KALRN: variants seen among roughly 807,000 people sequenced by gnomAD.
KALRN encodes the protein kalirin.
KALRN carries 70 observed loss-of-function variants against 353.7 expected under a neutral mutation model. That is an observed-to-expected ratio of 0.20 (90% CI 0.16 to 0.24). The LOEUF (loss-of-function observed/expected upper bound fraction) is 0.24, where lower values mean the gene tolerates loss of function less well. Among genes scored for constraint, KALRN ranks in the 10% least tolerant of loss-of-function variants. The pLI, the probability that KALRN is intolerant of heterozygous loss-of-function variation, is 1.00. For synonymous variants in KALRN, 1,391 were observed against 1,434.8 expected (o/e 0.97, Z 0.69); for missense variants, 2,791 against 3,756.7 (o/e 0.74, Z 6.72).
chr3:124,163,827 A>G, intron 1 of KALRN: 3 of 985,448 alleles, frequency 3.0e-6, no homozygotes, highest in Non-Finnish European at 3.6e-6. Flanking sequence ...CACCTGACTG[A>G]TGTTTAATGC....
At chr3:124,605,024 A>T (rs1398159489) in intron 34 of KALRN, among the ~76,000 whole-genome samples, 1 of 152,080 alleles carries the variant, frequency 6.6e-6, no homozygotes, top group Non-Finnish European at 1.5e-5. Flanking sequence ...TTAGCCAGGC[A>T]TGCTGGTGTG....
chr3:124,339,781 A>G (rs1433576499), intron 9 of KALRN, among the ~76,000 whole-genome samples: 2 of 152,260 alleles, frequency 1.3e-5, no homozygotes, highest in Non-Finnish European at 2.9e-5. Flanking sequence ...GCTGAGAGGT[A>G]GGAATTAAGA....
At chr3:124,681,657 G>C (rs1490050907) in intron 51 of KALRN, among the ~76,000 whole-genome samples, 7 of 120,948 alleles carry the variant, frequency 5.8e-5, no homozygotes, top group Non-Finnish European at 1.2e-4. Flanking sequence ...TTTTTGACGT[G>C]GAGTCTCTGT....
At chr3:124,287,694 A>G (rs921385449) in intron 5 of KALRN, among the ~76,000 whole-genome samples, 3 of 149,420 alleles carry the variant, frequency 2.0e-5, no homozygotes, top group Non-Finnish European at 4.4e-5. Context: ...TGAACATTTT[A>G]AATAAAAATG....
At chr3:124,518,346 C>A in intron 33 of KALRN, 1 of 1,476,298 alleles carries the variant, frequency 6.8e-7, no homozygotes, top group Non-Finnish European at 9.5e-7. Flanking sequence ...GGATCTCATG[C>A]AGATTTTTGC....
chr3:124,176,631 G>A (rs1323416754), intron 1 of KALRN, among the ~76,000 whole-genome samples: 1 of 152,166 alleles, frequency 6.6e-6, no homozygotes, highest in Admixed American at 6.5e-5. Context: ...TCCAACTCAA[G>A]CTTAACCATC....
rs772626783 is a variant in KALRN at position 124,446,765 on chromosome 3, G to A, written c.3432G>A (p.Ala1144=). Residue 1144 remains alanine, a splice_region_variant and synonymous_variant, in exon 21 of 60, where the codon GCG becomes GCA. Coordinates refer to ENST00000682506, the MANE Select transcript of KALRN (RefSeq NM_001388419.1). ...YVVFERSAKQ[A]LDWIQETGEF... is the part of the protein sequence containing the mutation. ...GGATGAGTTGTTTCCTCCCATAGGC[G>A]CTTGACTGGATCCAAGAAACAGGTG... 11 of 1,613,920 alleles carry A rather than the reference G, an allele frequency of 6.8e-6. No homozygotes were observed. Among genetic ancestry groups the A allele is most frequent in the African/African-American group, 2.7e-5 (2 of 74,900 alleles).
intron 33 of KALRN, among the ~76,000 whole-genome samples, chr3:124,500,616 C>T (rs2064402451): frequency 6.6e-6 from 1 of 152,188 alleles, no homozygotes; most frequent in Admixed American, 6.5e-5. Context: ...ATGGGTGCCT[C>T]AGTAAATGGC....
intron 5 of KALRN, among the ~76,000 whole-genome samples, chr3:124,297,173 T>C (rs1336743491): frequency 6.6e-6 from 1 of 152,224 alleles, no homozygotes; most frequent in Non-Finnish European, 1.5e-5. Flanking sequence ...ACTGGTTGAA[T>C]GTAATTGAAG....
chr3:124,200,518 T>C (rs745623762), intron 1 of KALRN, among the ~76,000 whole-genome samples: 56 of 152,290 alleles, frequency 3.7e-4, no homozygotes, highest in Non-Finnish European at 7.2e-4. Flanking sequence ...GCTTTGCCCT[T>C]AGGACCTAAT....
chr3:124,538,055 A>G (rs984304940), intron 33 of KALRN, among the ~76,000 whole-genome samples: 1 of 152,254 alleles, frequency 6.6e-6, no homozygotes, highest in African/African-American at 2.4e-5. Flanking sequence ...TTGTCTTCAC[A>G]TTTTTGACAA....
At chr3:124,062,003 T>G (rs1448017876) in intron 1 of KALRN, among the ~76,000 whole-genome samples, 1 of 152,232 alleles carries the variant, frequency 6.6e-6, no homozygotes, top group Non-Finnish European at 1.5e-5. Flanking sequence ...GGGCATCACC[T>G]GGGAGCTTGT....
intron 1 of KALRN, among the ~76,000 whole-genome samples, chr3:124,135,434 C>T (rs2065815652): frequency 1.3e-5 from 2 of 152,036 alleles, no homozygotes; most frequent in Non-Finnish European, 2.9e-5. Flanking sequence ...GGGTGTACTG[C>T]TTGGGTGATG....
At chr3:124,661,161 C>T (rs1213625860) in intron 44 of KALRN, among the ~76,000 whole-genome samples, 188 bp downstream of exon 44, 2 of 152,156 alleles carry the variant, frequency 1.3e-5, no homozygotes, top group Non-Finnish European at 2.9e-5. Context: ...TTTCCTAGAA[C>T]TAAAGAAATC....
intron 34 of KALRN, among the ~76,000 whole-genome samples, chr3:124,610,640 G>A (rs1336326285): frequency 6.6e-6 from 1 of 151,886 alleles, no homozygotes; most frequent in Non-Finnish European, 1.5e-5. Context: ...ACCCTGGGGG[G>A]GGCGGCTATC....
chr3:124,368,517 A>G (rs1009207269), intron 10 of KALRN, among the ~76,000 whole-genome samples: 3 of 149,122 alleles, frequency 2.0e-5, no homozygotes, highest in African/African-American at 7.5e-5. Context: ...GGCTGGGAAG[A>G]GGCACTCCTC....
chr3:124,658,366 A>G, intron 41 of KALRN, 65 bp from the exon 42 acceptor site: 1 of 1,225,164 alleles, frequency 8.2e-7, no homozygotes, highest in Non-Finnish European at 1.2e-6. Context: ...CCAGCACGGC[A>G]CTCTGAGATT....
chr3:124,719,359 G>A lies in KALRN; in HGVS notation c.8850G>A (p.Leu2950=). Residue 2950 remains leucine, a synonymous_variant, in exon 60 of 60, where the codon CTG becomes CTA. Coordinates refer to ENST00000682506, the MANE Select transcript of KALRN (RefSeq NM_001388419.1). This position sits in a 1 kb window ranked among gnomAD's most constrained non-coding sequence, Gnocchi z 5.3. The part of the protein sequence containing the change: ...PHNGSYSKIP[L]DTSRLACFIE... ...ATGGCAGCTACTCTAAGATCCCCCTGGACACCTCCCGCCTAGCATGCTTCA... is the reference window on the plus strand; with the variant it reads ...ATGGCAGCTACTCTAAGATCCCCCTAGACACCTCCCGCCTAGCATGCTTCA... 1 of 1,614,152 alleles carries A rather than the reference G, an allele frequency of 6.2e-7. No individual in the cohort carries two copies. Among genetic ancestry groups the A allele is most frequent in the South Asian group, 1.1e-5 (1 of 91,088 alleles).
intron 5 of KALRN, among the ~76,000 whole-genome samples, chr3:124,272,759 A>C (rs2074299952): frequency 6.6e-6 from 1 of 152,226 alleles, no homozygotes; most frequent in Non-Finnish European, 1.5e-5. Flanking sequence ...TGGACAGGGT[A>C]GAAAAACAGT....
Sources: gnomAD v4.1 joint callset for allele counts (sites outside exome capture counted in the v4.1 genomes callset) on GRCh38, gnomAD v4.1.1 for gene constraint, Gnocchi (gnomAD v3.1) non-coding constraint, MANE v1.5 for transcripts, NCBI Gene and HGNC (gene_info 2026-07-23, HGNC 2026-07-21) for gene names.